TAFA2: variants seen among roughly 807,000 people sequenced by gnomAD.
TAFA2 encodes TAFA chemokine like family member 2.
TAFA2 carries 7 observed loss-of-function variants against 18.8 expected under a neutral mutation model. The observed-to-expected ratio is 0.37, with a 90% CI of 0.21 to 0.70. The LOEUF (loss-of-function observed/expected upper bound fraction) is 0.70, where lower values mean the gene tolerates loss of function less well. Ranked by LOEUF, TAFA2 falls within the 30% of genes least tolerant of loss-of-function variation. The pLI is 0.53. For missense variants in TAFA2, 122 were observed against 158.1 expected, an observed-to-expected ratio of 0.77 and a Z score of 1.23; for synonymous variants, 60 against 54.2, an observed-to-expected ratio of 1.11 and a Z score of -0.47.
intron 1 of TAFA2, among the ~76,000 whole-genome samples, chr12:61,911,606 C>A (rs948560154): frequency 1.3e-5 from 2 of 152,124 alleles, no homozygotes; most frequent in South Asian, 4.1e-4. Context: ...ACTTCTCATG[C>A]ATTTAATAAG....
intron 1 of TAFA2, among the ~76,000 whole-genome samples, chr12:62,157,658 C>A (rs1432346443): frequency 6.6e-6 from 1 of 152,132 alleles, no homozygotes; most frequent in Non-Finnish European, 1.5e-5. Context: ...ACATGGCTGT[C>A]TCCTTGGTAT....
At chr12:61,793,588 T>C (rs960414163) in intron 2 of TAFA2, among the ~76,000 whole-genome samples, 4 of 151,806 alleles carry the variant, frequency 2.6e-5, no homozygotes, top group Non-Finnish European at 4.4e-5. Flanking sequence ...ATCAAATAAA[T>C]TGAATTTTTA....
At position 61,901,852 on chromosome 12, in the gene TAFA2, T is replaced by C. The variant is rs61136758; in HGVS notation, c.-1-34426A>G. Among the ~76,000 whole-genome samples the C allele has an allele frequency of 5.7e-3, 872 of 152,286 alleles. 6 individuals carry two copies. Among genetic ancestry groups the C allele is most frequent in the African/African-American group, 0.019 (788 of 41,544 alleles). Reference sequence around the variant, plus strand: ...ATAGATATACATCCTGCCTCTGATCTGTCATTATATAATTTCTAAGAATGG... The same window carrying C: ...ATAGATATACATCCTGCCTCTGATCCGTCATTATATAATTTCTAAGAATGG... On this transcript the variant is annotated intron_variant, in intron 1 of 4. Coordinates refer to ENST00000416284, the MANE Select transcript of TAFA2 (RefSeq NM_178539.5).
At chr12:61,904,778 T>A (rs1488240802) in intron 1 of TAFA2, among the ~76,000 whole-genome samples, 1 of 152,096 alleles carries the variant, frequency 6.6e-6, no homozygotes, top group Non-Finnish European at 1.5e-5. Context: ...TGGAAAAAAA[T>A]CATACTCTAA....
chr12:61,833,513 TTAAA>T (rs1294369165), intron 2 of TAFA2, among the ~76,000 whole-genome samples: 1 of 152,056 alleles, frequency 6.6e-6, no homozygotes, highest in Admixed American at 6.6e-5. Flanking sequence ...TTTTTCTTAA[TTAAA>T]TGACAGCCAT....
At chr12:61,879,650 C>T (rs1262500409) in intron 1 of TAFA2, 32 of 947,736 alleles carry the variant, frequency 3.4e-5, no homozygotes, top group African/African-American at 8.0e-5. Flanking sequence ...CGACAAGGTA[C>T]GGTTCCTGGA....
At chr12:62,071,916 A>G (rs1265201027) in intron 1 of TAFA2, among the ~76,000 whole-genome samples, 1 of 152,192 alleles carries the variant, frequency 6.6e-6, no homozygotes, top group East Asian at 1.9e-4. Context: ...TGCCTAGAAC[A>G]TTAGTTCTTG....
At chr12:61,926,087 A>G (rs1469769504) in intron 1 of TAFA2, among the ~76,000 whole-genome samples, 1 of 152,224 alleles carries the variant, frequency 6.6e-6, no homozygotes, top group Admixed American at 6.5e-5. Flanking sequence ...ACACAAATAA[A>G]CTAGAAAATC....
chr12:61,837,708 T>C (rs940574339), intron 2 of TAFA2, among the ~76,000 whole-genome samples: 1 of 151,936 alleles, frequency 6.6e-6, no homozygotes, highest in Non-Finnish European at 1.5e-5. Flanking sequence ...AAGAGAAATA[T>C]AGCTGCTGCG....
At chr12:61,897,169 G>T (rs1418650435) in intron 1 of TAFA2, among the ~76,000 whole-genome samples, 1 of 152,024 alleles carries the variant, frequency 6.6e-6, no homozygotes, top group African/African-American at 2.4e-5. Flanking sequence ...TTATCTGCAG[G>T]GGATTCATTT....
At chr12:62,135,501 G>A (rs1870859476) in intron 1 of TAFA2, among the ~76,000 whole-genome samples, 1 of 152,028 alleles carries the variant, frequency 6.6e-6, no homozygotes, top group Non-Finnish European at 1.5e-5. Context: ...CCAGCAGAGT[G>A]TTACTATTAC....
chr12:61,725,914 G>A (rs746102103), intron 4 of TAFA2, among the ~76,000 whole-genome samples: 6 of 152,016 alleles, frequency 3.9e-5, no homozygotes, highest in Non-Finnish European at 5.9e-5. Context: ...TTGGGGATTT[G>A]GGGAGAAGGG....
At chr12:62,025,603 G>C (rs1436152365) in intron 1 of TAFA2, among the ~76,000 whole-genome samples, 1 of 152,062 alleles carries the variant, frequency 6.6e-6, no homozygotes, top group Non-Finnish European at 1.5e-5. Flanking sequence ...TATTTAAGCA[G>C]AGTGGGTAAA....
intron 1 of TAFA2, among the ~76,000 whole-genome samples, chr12:61,911,141 G>T (rs1876593952): frequency 6.6e-6 from 1 of 152,134 alleles, no homozygotes; most frequent in Non-Finnish European, 1.5e-5. Flanking sequence ...TTTAAGATCA[G>T]ATTGAAAAGC....
intron 1 of TAFA2, among the ~76,000 whole-genome samples, chr12:62,090,092 G>T (rs1868645761): frequency 6.6e-6 from 1 of 152,030 alleles, no homozygotes; most frequent in African/African-American, 2.4e-5. Context: ...TGCAGTGATT[G>T]CTCATTTTAC....
At chr12:61,834,481 T>C (rs1203516766) in intron 2 of TAFA2, among the ~76,000 whole-genome samples, 1 of 152,074 alleles carries the variant, frequency 6.6e-6, no homozygotes, top group African/African-American at 2.4e-5. Context: ...TCTGGAAGCC[T>C]GATAGTTCCT....
intron 1 of TAFA2, among the ~76,000 whole-genome samples, chr12:62,202,435 C>T (rs139880536): frequency 6.6e-6 from 1 of 151,998 alleles, no homozygotes; most frequent in East Asian, 1.9e-4. Context: ...CAACTTCTGC[C>T]TCCCAGTTCA....
chr12:61,839,201 T>C (rs897333058), intron 2 of TAFA2, among the ~76,000 whole-genome samples: 2 of 152,090 alleles, frequency 1.3e-5, no homozygotes, highest in African/African-American at 4.8e-5. Context: ...CGTGCTGAGA[T>C]GCAAAGATGC....
At chr12:61,734,111 G>A (rs892861147) in intron 4 of TAFA2, among the ~76,000 whole-genome samples, 1 of 150,288 alleles carries the variant, frequency 6.7e-6, no homozygotes. Context: ...TGTGATTTTT[G>A]TACATTGATT....
Sources: gnomAD v4.1 joint callset for allele counts (sites outside exome capture counted in the v4.1 genomes callset) on GRCh38, gnomAD v4.1.1 for gene constraint, MANE v1.5 for transcripts, NCBI Gene and HGNC (gene_info 2026-07-23, HGNC 2026-07-21) for gene names.